The following ABCB5 variants were observed in gnomAD, a reference collection of about 807,000 sequenced individuals.
ABCB5 encodes the protein ATP binding cassette subfamily B member 5.
A neutral mutation model predicts 144.2 loss-of-function variants in ABCB5; 155 were observed. The observed-to-expected ratio is 1.08, with a 90% CI of 0.94 to 1.23. ABCB5 has a LOEUF of 1.23. ABCB5 is among the 50% of genes most tolerant of loss of function. The pLI is 0.00. For synonymous variants in ABCB5, 610 were observed against 528.6 expected (o/e 1.15, Z -2.11); for missense variants, 1,830 against 1,520.8 (o/e 1.20, Z -3.38).
At chr7:20,705,995 G>C (rs1786809652) in intron 20 of ABCB5, among the ~76,000 whole-genome samples, 1 of 152,036 alleles carries the variant, frequency 6.6e-6, no homozygotes, top group Non-Finnish European at 1.5e-5. Context: ...ATCTCTTCCT[G>C]AAATTCATTT....
chr7:20,648,637 C>A (rs1784487866), intron 11 of ABCB5, among the ~76,000 whole-genome samples: 1 of 151,986 alleles, frequency 6.6e-6, no homozygotes, highest in Admixed American at 6.6e-5. Flanking sequence ...GTGTATTTAC[C>A]AAAAAAGTAG....
chr7:20,711,445 T>G (rs1021891497), intron 20 of ABCB5, among the ~76,000 whole-genome samples: 1 of 142,300 alleles, frequency 7.0e-6, no homozygotes, highest in Non-Finnish European at 1.5e-5. Context: ...GTTGACAGTT[T>G]TTTCTTTCCA....
chr7:20,755,282 G>C (rs747378214), intron 27 of ABCB5, 145 bp from the exon 28 acceptor site: 1 of 659,354 alleles, frequency 1.5e-6, no homozygotes, highest in African/African-American at 1.8e-5. Flanking sequence ...ATTGAGTAAG[G>C]TGATTATTTT....
intron 14 of ABCB5, among the ~76,000 whole-genome samples, chr7:20,676,771 A>C (rs763769130): frequency 2.0e-5 from 3 of 152,202 alleles, no homozygotes; most frequent in Non-Finnish European, 2.9e-5. Flanking sequence ...ACAAAAAATC[A>C]ATCTGCACAA....
intron 5 of ABCB5, among the ~76,000 whole-genome samples, chr7:20,633,215 A>T (rs1170175825): frequency 2.0e-5 from 3 of 152,130 alleles, no homozygotes; most frequent in Non-Finnish European, 4.4e-5. Context: ...TAAATAATTT[A>T]TAAGGATGTT....
intron 27 of ABCB5, among the ~76,000 whole-genome samples, chr7:20,755,101 C>T (rs1783046653): frequency 6.6e-6 from 1 of 152,166 alleles, no homozygotes. Flanking sequence ...AGATGCCTGC[C>T]ACCACACCCA....
At chr7:20,667,050 T>C in intron 14 of ABCB5, 1 of 552,818 alleles carries the variant, frequency 1.8e-6, no homozygotes, top group South Asian at 6.9e-5. Context: ...TGTATTTTTC[T>C]AGTACACTTG....
intron 14 of ABCB5, among the ~76,000 whole-genome samples, chr7:20,675,501 G>C (rs974233522): frequency 2.0e-5 from 3 of 151,826 alleles, no homozygotes; most frequent in Admixed American, 6.6e-5. Flanking sequence ...ACTCAAAATA[G>C]GTTAAAGACA....
chr7:20,648,273 A>G (rs1044169572), intron 11 of ABCB5, among the ~76,000 whole-genome samples, 195 bp downstream of exon 11: 17 of 152,156 alleles, frequency 1.1e-4, no homozygotes, highest in African/African-American at 2.9e-4. Flanking sequence ...CATTCTTTCT[A>G]TATTCAACTG....
chr7:20,680,984 TTCTTTCTTTCTTTCTTTCTTTC>T, intron 14 of ABCB5, among the ~76,000 whole-genome samples: 3 of 20,468 alleles, frequency 1.5e-4, no homozygotes, highest in African/African-American at 7.1e-4. Flanking sequence ...CTTTCTTTCT[TTCTTTCTTTCTTTCTTTCTTTC>T]TTTCTTTCTT....
At chr7:20,656,282 A>T (rs1784789200) in intron 13 of ABCB5, among the ~76,000 whole-genome samples, 1 of 152,178 alleles carries the variant, frequency 6.6e-6, no homozygotes, top group African/African-American at 2.4e-5. Context: ...GAGTGTACTA[A>T]AGTTAAAACC....
rs774493566 is a variant in ABCB5 at position 20,755,534 on chromosome 7, T to A, written c.3684T>A (p.Asn1228Lys). ...QNADLIVVLH[N>K]GKIKEQGTHQ... ...CAGATTTGATAGTGGTTCTGCACAA[T>A]GGAAAGATAAAGGAACAAGGAACTC... Residue 1228 changes from asparagine (N) to lysine (K), a missense_variant, in exon 28 of 28, where the codon AAT becomes AAA. Coordinates refer to ENST00000404938, the MANE Select transcript of ABCB5 (RefSeq NM_001163941.2). 6.2e-7 allele frequency: 1 copy of A among 1,613,926 alleles called. No individual in the cohort carries two copies. Among genetic ancestry groups the A allele is most frequent in the East Asian group, 2.2e-5 (1 of 44,888 alleles).
At chr7:20,628,071 C>T (rs1783948077) in intron 3 of ABCB5, among the ~76,000 whole-genome samples, 3 of 152,134 alleles carry the variant, frequency 2.0e-5, no homozygotes, top group Admixed American at 2.0e-4. Flanking sequence ...AGGTTTGTTA[C>T]ATATGTATAC....
intron 20 of ABCB5, among the ~76,000 whole-genome samples, chr7:20,711,786 T>TTCTCTCTCTCTCTCTCTCTC (rs1491248865): frequency 2.9e-5 from 1 of 34,208 alleles, no homozygotes; most frequent in Non-Finnish European, 6.0e-5. Context: ...TTCTCTTTCT[T>TTCTCTCTCTCTCTCTCTCTC]TCTTTCTTTC....
chr7:20,688,859 T>C (rs1786101769), intron 16 of ABCB5, among the ~76,000 whole-genome samples: 1 of 151,488 alleles, frequency 6.6e-6, no homozygotes, highest in Admixed American at 6.6e-5. Flanking sequence ...CTCAGCAAAC[T>C]AACAAGGACA....
chr7:20,728,453 C>G lies in ABCB5; in HGVS notation c.2865C>G (p.Phe955Leu). 1 of 1,613,916 alleles carries G rather than the reference C, an allele frequency of 6.2e-7. No homozygotes were observed. The highest frequency in any genetic ancestry group is 8.5e-7 in the Non-Finnish European group (1 of 1,179,894). ...GACGAATGACCCCAGAGGGCATGTT[C>G]ATGTAAGTCGTGGAAATAGTCCGGA... ...QAGRMTPEGM[F>L]IVFTAIAYGA... The change falls in exon 23 of 28, where the codon TTC becomes TTG. Residue 955 changes from phenylalanine to leucine, a missense_variant and splice_region_variant. By Grantham distance (22) the Phe-to-Leu change is conservative (BLOSUM62 0). Coordinates refer to ENST00000404938, the MANE Select transcript of ABCB5 (RefSeq NM_001163941.2).
At position 20,643,468 on chromosome 7, in the gene ABCB5, G is replaced by C. The variant is rs1784337262; in HGVS notation, c.514G>C (p.Asp172His). 6.2e-7 allele frequency: 1 copy of C among 1,613,836 alleles called. No homozygotes were observed. The highest frequency in any genetic ancestry group is 1.3e-5 in the African/African-American group (1 of 74,922). ...TTTATTTGCTTGTTTCAGTGACATT[G>C]ACAAAATCAGTGATGGTATTGGAGA... ...ELNTRMTDDI[D>H]KISDGIGDKI... The change falls in exon 7 of 28, where the codon GAC becomes CAC. Residue 172 changes from aspartate to histidine, a missense_variant. Coordinates refer to ENST00000404938, the MANE Select transcript of ABCB5 (RefSeq NM_001163941.2).
intron 14 of ABCB5, among the ~76,000 whole-genome samples, chr7:20,663,577 C>A (rs76827596): frequency 6.6e-6 from 1 of 151,804 alleles, no homozygotes; most frequent in African/African-American, 2.4e-5. Flanking sequence ...TTACTAGGGG[C>A]TTGGGGGATG....
rs116811157 is a variant in ABCB5, at chr7:20,658,008, C to G, written c.1537-498C>G. On this transcript the variant is annotated intron_variant, in intron 13 of 27. Transcript: ENST00000404938. ...TATTTTAAAACAAATCAAAAGAACA[C>G]CTAAAAAGTATCTCAAGATGGAAAA... is the stretch of plus-strand genomic sequence containing the variant. 5.4e-3 allele frequency among the ~76,000 whole-genome samples: 823 copies of G among 152,062 alleles called. 7 individuals are homozygous for G. The highest frequency in any genetic ancestry group is 0.018 in the African/African-American group (765 of 41,456).
Sources: gnomAD v4.1 joint callset for allele counts (sites outside exome capture counted in the v4.1 genomes callset) on GRCh38, gnomAD v4.1.1 for gene constraint, MANE v1.5 for transcripts, NCBI Gene and HGNC (gene_info 2026-07-23, HGNC 2026-07-21) for gene names.